Variants in NHS observed in about 807,000 individuals in gnomAD.
The protein encoded by NHS is actin remodeling regulator NHS.
A neutral mutation model predicts 72.5 loss-of-function variants in NHS; 5 were observed. That is an observed-to-expected ratio of 0.07 (90% CI 0.04 to 0.14). The LOEUF (loss-of-function observed/expected upper bound fraction) is 0.14. NHS is among the 10% of genes least tolerant of loss of function. NHS has a pLI of 1.00. For missense variants in NHS, 1,072 were observed against 1,355.7 expected, an observed-to-expected ratio of 0.79 and a Z score of 3.29; for synonymous variants, 464 against 547.7, an observed-to-expected ratio of 0.85 and a Z score of 2.13.
intron 1 of NHS, among the ~76,000 whole-genome samples, chrX:17,602,377 G>A (rs139099150): frequency 0.017 from 1,930 of 111,606 alleles, 19 homozygotes; most frequent in Non-Finnish European, 0.029. Context: ...CATCCACATG[G>A]CCTCTGGTCT....
intron 1 of NHS, among the ~76,000 whole-genome samples, chrX:17,501,424 A>T (rs1410355535): frequency 9.1e-6 from 1 of 110,420 alleles, no homozygotes; most frequent in African/African-American, 3.3e-5. Context: ...GCCAAGGTGG[A>T]AATAAGAGAA....
Position 17,614,588 on chromosome X carries a change from T to C in NHS, c.566-73154T>C, listed in dbSNP as rs1250465773. Among the ~76,000 whole-genome samples, 4 of 111,960 alleles carry C rather than the reference T, an allele frequency of 3.6e-5. No individual in the cohort carries two copies. The Admixed American group carries it at 3.8e-4, about 11-fold the overall frequency. ...CTTACAACTGATTATAGGTGTATTG[T>C]TAGGACTCCAGCACCCATGCTTGAT... On this transcript the variant is annotated intron_variant, in intron 1 of 8. Transcript: ENST00000676302.
At chrX:17,493,550 G>A (rs1400415016) in intron 1 of NHS, among the ~76,000 whole-genome samples, 1 of 112,090 alleles carries the variant, frequency 8.9e-6, no homozygotes, top group Non-Finnish European at 1.9e-5. Flanking sequence ...GCATATAGTA[G>A]GTGCTTAGTA....
chrX:17,704,594 G>A (rs771123737), intron 3 of NHS, among the ~76,000 whole-genome samples: 2 of 111,273 alleles, frequency 1.8e-5, no homozygotes, highest in South Asian at 7.6e-4. Flanking sequence ...CGCCACGCCC[G>A]GCCAAAATTT....
At chrX:17,597,007 AG>A (rs2065626814) in intron 1 of NHS, among the ~76,000 whole-genome samples, 1 of 110,506 alleles carries the variant, frequency 9.0e-6, no homozygotes, top group Non-Finnish European at 1.9e-5. Context: ...CATGCAAGGG[AG>A]GCTGGGAAAT....
rs1418702815 is a variant in NHS, at chrX:17,527,705, AG to A, written c.565+151384del. On this transcript the variant is annotated intron_variant, in intron 1 of 8. Coordinates refer to ENST00000676302, the MANE Select transcript of NHS (RefSeq NM_001291867.2). ...CTACGTGTTGACAGGAAGTTTTGTT[AG>A]TATCCAAGTTTAAGGAAAGGAGCAT... 4.5e-5 allele frequency among the ~76,000 whole-genome samples: 5 copies of A among 112,200 alleles called. No homozygotes were observed. The South Asian group carries it at 1.8e-3, about 41-fold the overall frequency.
At chrX:17,390,405 C>G (rs1352909778) in intron 1 of NHS, among the ~76,000 whole-genome samples, 1 of 98,463 alleles carries the variant, frequency 1.0e-5, no homozygotes, top group East Asian at 3.8e-4. Flanking sequence ...TGAAGTGATT[C>G]ATTTACAAGA....
At chrX:17,498,493 T>TG (rs2065023195) in intron 1 of NHS, among the ~76,000 whole-genome samples, 1 of 112,177 alleles carries the variant, frequency 8.9e-6, no homozygotes, top group South Asian at 3.7e-4. Context: ...TTCAGGGTGT[T>TG]GCAGTCAAGA....
chrX:17,451,529 C>T (rs966126576), intron 1 of NHS, among the ~76,000 whole-genome samples: 2 of 112,004 alleles, frequency 1.8e-5, no homozygotes, highest in African/African-American at 3.2e-5. Flanking sequence ...CTATTAGGTC[C>T]GTATCATCAG....
At chrX:17,700,528 A>T (rs1457521349) in intron 3 of NHS, among the ~76,000 whole-genome samples, 1 of 111,568 alleles carries the variant, frequency 9.0e-6, no homozygotes, top group Non-Finnish European at 1.9e-5. Flanking sequence ...AAATTAAACA[A>T]TGTAACAATG....
chrX:17,381,623 T>A (rs1383498440), intron 1 of NHS, among the ~76,000 whole-genome samples: 1 of 112,834 alleles, frequency 8.9e-6, no homozygotes, highest in Non-Finnish European at 1.9e-5. Context: ...CATATATAGC[T>A]GATTGTTCAT....
intron 1 of NHS, among the ~76,000 whole-genome samples, chrX:17,537,713 C>G (rs909019596): frequency 8.9e-6 from 1 of 111,861 alleles, no homozygotes; most frequent in East Asian, 2.8e-4. Context: ...TCAGCAAAGC[C>G]AAAGGGTTTA....
intron 1 of NHS, among the ~76,000 whole-genome samples, chrX:17,412,654 A>C (rs1351061673): frequency 8.9e-6 from 1 of 112,133 alleles, no homozygotes; most frequent in Admixed American, 9.4e-5. Context: ...TAAGTCTCAA[A>C]AGTTCCTTTT....
chrX:17,518,813 C>A, intron 1 of NHS, among the ~76,000 whole-genome samples: 1 of 111,849 alleles, frequency 8.9e-6, no homozygotes, highest in Non-Finnish European at 1.9e-5. Flanking sequence ...TATAGTTGAT[C>A]TTGAGTGCAG....
At chrX:17,720,364 AT>A (rs1183831301) in intron 4 of NHS, among the ~76,000 whole-genome samples, 1 of 111,879 alleles carries the variant, frequency 8.9e-6, no homozygotes, top group African/African-American at 3.2e-5. Context: ...AGATGGGAAA[AT>A]TTTTTTTGAT....
At position 17,561,566 on chromosome X, in the gene NHS, G is replaced by GCACA. The variant is rs1287457429; in HGVS notation, c.566-126175_566-126174insACAC. ...CACACATGCAAGTGCATGCGCGCGCGCGCGCGCGCACACACACACACACAC... is the reference window on the plus strand; with the variant it reads ...CACACATGCAAGTGCATGCGCGCGCGCACACGCGCGCGCACACACACACACACAC... On this transcript the variant is annotated intron_variant, in intron 1 of 8. Transcript: ENST00000676302. 5.8e-4 allele frequency among the ~76,000 whole-genome samples: 40 copies of GCACA among 69,103 alleles called. 1 individual carries two copies. Among genetic ancestry groups the GCACA allele is most frequent in the African/African-American group, 2.7e-3 (39 of 14,640 alleles). The allele number at this position is 69,103 out of a possible 115,157, so 60.0% of individuals were successfully genotyped here. A position where few individuals can be genotyped will look rare whatever the true frequency, so the allele number is the denominator to read the frequency against.
chrX:17,526,450 C>T (rs1195489207), intron 1 of NHS, among the ~76,000 whole-genome samples: 6 of 112,200 alleles, frequency 5.3e-5, no homozygotes, highest in African/African-American at 1.9e-4. Context: ...AGCAGAAGTG[C>T]GCAAGGCCTT....
intron 3 of NHS, among the ~76,000 whole-genome samples, chrX:17,718,536 AAAGG>A (rs1490947214): frequency 2.0e-4 from 20 of 98,291 alleles, no homozygotes; most frequent in Non-Finnish European, 3.5e-4. Context: ...GGGAAGGAAA[AAAGG>A]AAGGAGGGAA....
At chrX:17,585,151 C>A (rs1055261760) in intron 1 of NHS, among the ~76,000 whole-genome samples, 1 of 111,178 alleles carries the variant, frequency 9.0e-6, no homozygotes, top group African/African-American at 3.3e-5. Flanking sequence ...GAAAGTAGCC[C>A]GTCTCCAAAC....
Sources: gnomAD v4.1 joint callset for allele counts (sites outside exome capture counted in the v4.1 genomes callset) on GRCh38, gnomAD v4.1.1 for gene constraint, MANE v1.5 for transcripts, NCBI Gene and HGNC (gene_info 2026-07-23, HGNC 2026-07-21) for gene names.